The following DMXL2 variants were observed in gnomAD, a reference collection of about 807,000 sequenced individuals.
DMXL2 encodes dmX-like protein 2.
DMXL2 carries 103 observed loss-of-function variants against 331.1 expected under a neutral mutation model. That is an observed-to-expected ratio of 0.31 (90% CI 0.27 to 0.37). The LOEUF (loss-of-function observed/expected upper bound fraction) is 0.37, where lower values mean the gene tolerates loss of function less well. Among genes scored for constraint, DMXL2 ranks in the 10% least tolerant of loss-of-function variants. The pLI is 1.00. For missense variants in DMXL2, 3,171 were observed against 3,642.9 expected (o/e 0.87, Z 3.33); for synonymous variants, 1,281 against 1,252.1 (o/e 1.02, Z -0.49).
At chr15:51,466,982 A>G (rs1420790657) in intron 29 of DMXL2, among the ~76,000 whole-genome samples, 1 of 152,034 alleles carries the variant, frequency 6.6e-6, no homozygotes, top group East Asian at 1.9e-4. Flanking sequence ...AAAATCATAC[A>G]CGTATAAGAA....
At chr15:51,508,113 T>A (rs1325708944) in intron 15 of DMXL2, among the ~76,000 whole-genome samples, 1 of 151,776 alleles carries the variant, frequency 6.6e-6, no homozygotes. Flanking sequence ...CACTCATAAG[T>A]GGGAGTTGAA....
At chr15:51,459,939 A>G (rs2039974908) in intron 33 of DMXL2, 1 of 983,786 alleles carries the variant, frequency 1.0e-6, no homozygotes, top group South Asian at 4.7e-5. Flanking sequence ...TAAGAAATCT[A>G]AGTTACATAA....
chr15:51,481,249 A>G lies in DMXL2; in HGVS notation c.5857T>C (p.Ser1953Pro), dbSNP rs1266540112. The G allele has an allele frequency of 6.2e-7, 1 of 1,613,872 alleles. No homozygotes were observed. Among genetic ancestry groups the G allele is most frequent in the South Asian group, 1.1e-5 (1 of 91,012 alleles). The stretch of plus-strand genomic sequence containing the variant: ...TCATACTGTGATGAAGTTACATTTG[A>G]CCATTCAATGCCAGAACTTCCATTG... ...DGNGSSGIEW[S>P]NVTSSQYDWS... is the part of the protein sequence containing the mutation. The change falls in exon 24 of 44, where the codon TCA (serine) becomes CCA (proline). Residue 1953 changes from serine to proline, a missense_variant. Ser to Pro is a moderately conservative substitution (Grantham distance 74). Coordinates refer to ENST00000560891, the MANE Select transcript of DMXL2 (RefSeq NM_001378457.1).
At chr15:51,545,819 CTAAT>C in intron 7 of DMXL2, 53 bp from the exon 8 acceptor site, 1 of 1,492,442 alleles carries the variant, frequency 6.7e-7, no homozygotes, top group Non-Finnish European at 9.1e-7. Flanking sequence ...ATCCCATTAA[CTAAT>C]TAATATTTTG....
At chr15:51,588,379 G>A (rs1295368546) in intron 1 of DMXL2, among the ~76,000 whole-genome samples, 10 of 151,864 alleles carry the variant, frequency 6.6e-5, no homozygotes, top group African/African-American at 1.5e-4. Context: ...GGCTAGTCTC[G>A]AACTCCTGGG....
chr15:51,576,203 A>AAAAAAAAT, intron 1 of DMXL2, 22 bp from the exon 2 acceptor site: 2 of 1,373,720 alleles, frequency 1.5e-6, no homozygotes, highest in Non-Finnish European at 1.9e-6. Flanking sequence ...AAAAAAAAAA[A>AAAAAAAAT]GTTTTACAAT....
intron 15 of DMXL2, 70 bp downstream of exon 15, chr15:51,514,372 A>G: frequency 1.1e-6 from 1 of 876,400 alleles, no homozygotes; most frequent in Non-Finnish European, 1.8e-6. Flanking sequence ...GAAGATCCAT[A>G]CTCAGTGAAA....
Position 51,448,922 on chromosome 15 carries a change from G to A in DMXL2, c.*62C>T. On this transcript the variant is annotated 3_prime_UTR_variant, in exon 44 of 44. Coordinates refer to ENST00000560891, the MANE Select transcript of DMXL2 (RefSeq NM_001378457.1). ...ATACAACTGCTTAGAAAGCAGAATT[G>A]CCTAGTGATGACTGTAGTGTGCCTT... The A allele has an allele frequency of 2.0e-6, 3 of 1,482,750 alleles. No individual in the cohort carries two copies. The highest frequency in any genetic ancestry group is 2.8e-6 in the Non-Finnish European group (3 of 1,076,554). The allele number at this position is 1,482,750 out of a possible 1,614,324, so 91.8% of individuals were successfully genotyped here.
chr15:51,553,467 G>A (rs762562659), intron 6 of DMXL2, among the ~76,000 whole-genome samples: 9 of 151,826 alleles, frequency 5.9e-5, no homozygotes, highest in East Asian at 1.9e-4. Flanking sequence ...TCTTTGCCCC[G>A]TTATATGATA....
At chr15:51,564,324 G>T in intron 4 of DMXL2, 64 bp from the exon 5 acceptor site, 2 of 1,292,826 alleles carry the variant, frequency 1.5e-6, no homozygotes, top group Non-Finnish European at 2.1e-6. Flanking sequence ...ATGCACATGG[G>T]CTTCTGTTTA....
chr15:51,568,466 C>A, intron 3 of DMXL2, 21 bp downstream of exon 3: 1 of 1,418,858 alleles, frequency 7.0e-7, no homozygotes, highest in Non-Finnish European at 9.6e-7. Context: ...TAAAAGTATT[C>A]TATTATTGGT....
chr15:51,591,332 T>C (rs956550601), intron 1 of DMXL2, among the ~76,000 whole-genome samples: 4 of 152,164 alleles, frequency 2.6e-5, no homozygotes, highest in African/African-American at 9.6e-5. Context: ...GCCTCGCTCA[T>C]TGCTAGCACA....
intron 25 of DMXL2, 120 bp from the exon 26 acceptor site, chr15:51,478,467 A>G: frequency 1.3e-6 from 1 of 770,782 alleles, no homozygotes; most frequent in Non-Finnish European, 2.1e-6. Flanking sequence ...TGAATCCTAG[A>G]TGAGACTACT....
At chr15:51,531,178 A>G (rs2047981714) in intron 13 of DMXL2, among the ~76,000 whole-genome samples, 2 of 152,208 alleles carry the variant, frequency 1.3e-5, no homozygotes, top group African/African-American at 4.8e-5. Flanking sequence ...TGGCATAAAA[A>G]CACACACAGA....
At chr15:51,497,883 A>C (rs1030792323) in intron 18 of DMXL2, among the ~76,000 whole-genome samples, 5 of 152,202 alleles carry the variant, frequency 3.3e-5, no homozygotes, top group Non-Finnish European at 5.9e-5. Context: ...AGTAACATTA[A>C]CAAATGGGCT....
intron 1 of DMXL2, among the ~76,000 whole-genome samples, chr15:51,595,344 T>C (rs1166283699): frequency 2.6e-5 from 4 of 152,148 alleles, no homozygotes; most frequent in South Asian, 4.1e-4. Flanking sequence ...GAATAAAATA[T>C]CTAGGAATTC....
Position 51,499,190 on chromosome 15 carries a change from G to C in DMXL2, c.4034C>G (p.Pro1345Arg), listed in dbSNP as rs888274762. 2 of 1,614,048 alleles carry C rather than the reference G, an allele frequency of 1.2e-6. No individual in the cohort carries two copies. The highest frequency in any genetic ancestry group is 1.7e-6 in the Non-Finnish European group (2 of 1,180,012). The part of the protein sequence containing the change: ...EAAHVLSPTL[P>R]QYHPTQLLEL... The stretch of plus-strand genomic sequence containing the variant: ...TAACAGCTGAGTTGGATGATATTGT[G>C]GAAGAGTAGGGGAAAGTACATGTGC... Residue 1345 changes from proline to arginine, a missense_variant, in exon 18 of 44, where the codon CCA becomes CGA. Pro to Arg is a moderately radical substitution (Grantham distance 103, BLOSUM62 -2). This residue lies in a region of DMXL2 where 1,674 missense variants were observed against 1,780.2 expected (regional missense o/e 0.94). Coordinates refer to ENST00000560891, the MANE Select transcript of DMXL2 (RefSeq NM_001378457.1).
At chr15:51,520,538 G>A (rs1020231667) in intron 13 of DMXL2, among the ~76,000 whole-genome samples, 10 of 152,190 alleles carry the variant, frequency 6.6e-5, no homozygotes, top group African/African-American at 1.9e-4. Context: ...ACCCCTGTAA[G>A]GCCCTGGCTG....
chr15:51,583,480 T>C lies in DMXL2; in HGVS notation c.88-7299A>G, dbSNP rs62015993. On this transcript the variant is annotated intron_variant, in intron 1 of 43. Transcript: ENST00000560891. ...CTCATCATTTTTTATGGCTGCATAG[T>C]ATTCCATGGTGTATATGTGCCACAT... is the stretch of plus-strand genomic sequence containing the variant. Among the ~76,000 whole-genome samples the C allele has an allele frequency of 4.1e-4, 16 of 38,982 alleles. 1 individual carries two copies. The highest frequency in any genetic ancestry group is 1.3e-3 in the African/African-American group (13 of 10,250). The allele number at this position is 38,982 out of a possible 152,430, so 25.6% of individuals were successfully genotyped here. A position where few individuals can be genotyped will look rare whatever the true frequency, so the allele number is the denominator to read the frequency against.
Sources: allele counts gnomAD v4.1 joint callset (sites outside exome capture counted in the v4.1 genomes callset), GRCh38; gene constraint gnomAD v4.1.1; regional missense constraint gnomAD v4.1.1; transcripts MANE v1.5; gene names NCBI Gene and HGNC (gene_info 2026-07-23, HGNC 2026-07-21).